The following SPIRE2 variants were observed in gnomAD, a reference collection of about 807,000 sequenced individuals.
The protein encoded by SPIRE2 is spire type actin nucleation factor 2.
Under a neutral mutation model 80.7 loss-of-function variants are expected in SPIRE2, and 76 were observed. The ratio of observed to expected loss-of-function variants is 0.94; its 90% CI spans 0.78 to 1.14. The LOEUF is 1.14. SPIRE2 is among the 50% of genes most tolerant of loss of function. SPIRE2 has a pLI of 0.00. For synonymous variants in SPIRE2, 535 were observed against 432.6 expected (o/e 1.24, Z -2.94); for missense variants, 1,196 against 1,015.3 (o/e 1.18, Z -2.42).
intron 2 of SPIRE2, among the ~76,000 whole-genome samples, chr16:89,849,678 T>C (rs548175360): frequency 2.0e-5 from 3 of 152,160 alleles, no homozygotes; most frequent in Admixed American, 6.6e-5. Flanking sequence ...CGATGGTGAC[T>C]AGGGTGGGCA....
rs1460092968 is a variant in SPIRE2 at position 89,863,837 on chromosome 16, C to T, written c.1754C>T (p.Pro585Leu). 1.5e-5 allele frequency: 25 copies of T among 1,613,774 alleles called. No individual in the cohort carries two copies. The highest frequency in any genetic ancestry group is 2.2e-5 in the South Asian group (2 of 91,070). Residue 585 changes from proline to leucine, a missense_variant, in exon 12 of 15, where the codon CCG (proline) becomes CTG (leucine). Physicochemically the swap from Pro to Leu is moderately conservative, Grantham distance 98 (BLOSUM62 -3). Transcript: ENST00000378247. This position sits in a 1 kb window ranked among gnomAD's most constrained non-coding sequence, Gnocchi z 4.3. The stretch of plus-strand genomic sequence containing the variant: ...GCCAAGTTCCCGCTGTTCTCGTGGC[C>T]GCCCAGCTGTCTCTTCTGCAAGAGG... The part of the protein sequence containing the change: ...CRAKFPLFSW[P>L]PSCLFCKRAV...
intron 12 of SPIRE2, among the ~76,000 whole-genome samples, chr16:89,866,146 T>TG (rs1178864312): frequency 6.6e-6 from 1 of 150,926 alleles, no homozygotes; most frequent in Non-Finnish European, 1.5e-5. Context: ...AAGACCTGTC[T>TG]GGGAAAAAAA....
rs538709068 is a variant in SPIRE2, at chr16:89,854,704, G to A, written c.891+53G>A. The A allele has an allele frequency of 2.2e-5, 34 of 1,580,808 alleles. No homozygotes were observed. In the Admixed American group the frequency reaches 4.5e-4, roughly 21 times the overall value. On this transcript the variant is annotated intron_variant, in intron 5 of 14. Transcript: ENST00000378247. The stretch of plus-strand genomic sequence containing the variant: ...CCTGGATGCAGAGGTCGTGGTGAGC[G>A]GGGCGGACGCAGATGAGCAGCCTGG...
chr16:89,856,305 A>T, intron 7 of SPIRE2, 69 bp downstream of exon 7: 1 of 1,486,222 alleles, frequency 6.7e-7, no homozygotes, highest in Non-Finnish European at 9.0e-7. Context: ...TCCCCTGGTC[A>T]GGTTGCACAT....
chr16:89,845,250 G>A, intron 1 of SPIRE2, 72 bp from the exon 2 acceptor site: 2 of 1,366,988 alleles, frequency 1.5e-6, no homozygotes, highest in South Asian at 1.2e-5. Context: ...CGAGGGGGAG[G>A]TGGGGGGACA....
rs201891427 is a variant in SPIRE2 at position 89,856,136 on chromosome 16, G to A, written c.1002G>A (p.Pro334=). The stretch of plus-strand genomic sequence containing the variant: ...AGGTCTCTGAGAGGCGGCTGCGCCC[G>A]TTGCCACCAAAGCAAAGGTCCCTGC... ...LKQVSERRLR[P]LPPKQRSLHE... The change falls in exon 7 of 15, where the codon CCG becomes CCA. Residue 334 remains proline (P), a synonymous_variant. Coordinates refer to ENST00000378247, the MANE Select transcript of SPIRE2 (RefSeq NM_032451.2). 329 of 1,611,808 alleles carry A rather than the reference G, an allele frequency of 2.0e-4. No homozygotes were observed. The highest frequency in any genetic ancestry group is 2.5e-4 in the Non-Finnish European group (295 of 1,179,680).
At chr16:89,845,067 T>A (rs1041910119) in intron 1 of SPIRE2, among the ~76,000 whole-genome samples, 3 of 152,182 alleles carry the variant, frequency 2.0e-5, no homozygotes, top group Non-Finnish European at 4.4e-5. Flanking sequence ...AAGCTGACCA[T>A]CATCCTTCTG....
chr16:89,834,555 C>T (rs1289286267), intron 1 of SPIRE2, among the ~76,000 whole-genome samples: 17 of 110,664 alleles, frequency 1.5e-4, no homozygotes, highest in African/African-American at 4.9e-4. Flanking sequence ...CCCGCATTCG[C>T]GGTTGGCCGT....
chr16:89,841,296 G>T (rs1431520473), intron 1 of SPIRE2, among the ~76,000 whole-genome samples: 2 of 152,186 alleles, frequency 1.3e-5, no homozygotes, highest in Admixed American at 6.5e-5. Context: ...ATGGAAACGA[G>T]GGGTCCTGGT....
chr16:89,850,654 C>T lies in SPIRE2; in HGVS notation c.639C>T (p.Ala213=). The change falls in exon 3 of 15, where the codon GCC becomes GCT. Residue 213 remains alanine, a synonymous_variant. Coordinates refer to ENST00000378247, the MANE Select transcript of SPIRE2 (RefSeq NM_032451.2). ...CCTTCCTGGCCAGGGTCCGGGAGGC[C>T]AAGGAGGTGAGCGGTGGGTGGGGGC... The part of the protein sequence containing the change: ...LRAFLARVRE[A]KEMLQKLRED... 1 of 1,306,946 alleles carries T rather than the reference C, an allele frequency of 7.7e-7. No homozygotes were observed. The highest frequency in any genetic ancestry group is 9.9e-7 in the Non-Finnish European group (1 of 1,010,916). 81.0% of individuals were successfully genotyped at this position (1,306,946 alleles called of 1,614,324 possible).
intron 1 of SPIRE2, among the ~76,000 whole-genome samples, chr16:89,844,176 T>A (rs922908446): frequency 6.6e-6 from 1 of 151,546 alleles, no homozygotes; most frequent in Non-Finnish European, 1.5e-5. Context: ...TTATATATTT[T>A]TTGAGATGCA....
In SPIRE2 at chr16:89,843,690, TGTTTTTTG is replaced by T. The variant is rs1567671379; in HGVS notation, c.245-1631_245-1624del. ...ACGTTTTTTTTTTTTTGTTTGTTTT[TGTTTTTTG>T]TTTTTTTTTTTTTTTTTTTGAGACA... On this transcript the variant is annotated intron_variant, in intron 1 of 14. Transcript: ENST00000378247. Among the ~76,000 whole-genome samples the T allele has an allele frequency of 7.3e-4, 44 of 60,680 alleles. 2 individuals are homozygous for T. The highest frequency in any genetic ancestry group is 3.0e-3 in the South Asian group (3 of 1,008). The allele number at this position is 60,680 out of a possible 152,430, so 39.8% of individuals were successfully genotyped here. A position where few individuals can be genotyped will look rare whatever the true frequency, so the allele number is the denominator to read the frequency against.
chr16:89,835,409 G>A (rs532463808), intron 1 of SPIRE2, among the ~76,000 whole-genome samples: 30 of 152,146 alleles, frequency 2.0e-4, no homozygotes, highest in African/African-American at 7.0e-4. Context: ...CTCCTACACC[G>A]ACTCACCACC....
intron 9 of SPIRE2, 139 bp from the exon 10 acceptor site, chr16:89,860,544 T>C (rs1040136933): frequency 1.8e-5 from 11 of 614,970 alleles, no homozygotes; most frequent in Non-Finnish European, 2.9e-5. Flanking sequence ...CCCGTGTAGC[T>C]ACTGCCCGGC....
At chr16:89,860,934 C>T (rs995636354) in intron 10 of SPIRE2, 139 bp downstream of exon 10, 7 of 552,236 alleles carry the variant, frequency 1.3e-5, no homozygotes, top group Non-Finnish European at 1.8e-5. Flanking sequence ...TGGGGGGGCG[C>T]GGTCTGAACA....
chr16:89,846,258 G>C (rs1314851124), intron 2 of SPIRE2: 1 of 151,580 alleles, frequency 6.6e-6, no homozygotes, highest in Non-Finnish European at 1.5e-5. Flanking sequence ...AAACTCCTGG[G>C]CTCAAGCCAT....
chr16:89,845,823 C>T, intron 2 of SPIRE2: 1 of 555,674 alleles, frequency 1.8e-6, no homozygotes, highest in Non-Finnish European at 3.2e-6. Context: ...GAAGTCATGT[C>T]TGGAACGTCA....
At chr16:89,836,536 G>A in intron 1 of SPIRE2, 1 of 267,624 alleles carries the variant, frequency 3.7e-6, no homozygotes, top group Non-Finnish European at 7.7e-6. Context: ...TTCAGCCTGT[G>A]TGGTATTAAG....
intron 1 of SPIRE2, among the ~76,000 whole-genome samples, chr16:89,842,839 G>A (rs72813405): frequency 1.3e-5 from 2 of 152,304 alleles, no homozygotes; most frequent in Non-Finnish European, 2.9e-5. Flanking sequence ...CACCCCCACC[G>A]TGGGCCACAC....
Sources: gnomAD v4.1 joint callset for allele counts (sites outside exome capture counted in the v4.1 genomes callset) on GRCh38, gnomAD v4.1.1 for gene constraint, Gnocchi (gnomAD v3.1) non-coding constraint, MANE v1.5 for transcripts, NCBI Gene and HGNC (gene_info 2026-07-23, HGNC 2026-07-21) for gene names.